Variants in UTP23 observed in about 807,000 individuals in gnomAD.
The protein encoded by UTP23 is rRNA-processing protein UTP23 homolog.
UTP23 carries 10 observed loss-of-function variants against 19.8 expected under a neutral mutation model. The ratio of observed to expected loss-of-function variants is 0.50; its 90% CI spans 0.31 to 0.86. The LOEUF (loss-of-function observed/expected upper bound fraction) is 0.86. Among genes scored for constraint, UTP23 ranks in the 40% least tolerant of loss-of-function variants. UTP23 has a pLI of 0.05. For missense variants in UTP23, 282 were observed against 293.1 expected (o/e 0.96, Z 0.28); for synonymous variants, 108 against 105.4 (o/e 1.02, Z -0.15).
intron 2 of UTP23, 49 bp from the exon 3 acceptor site, chr8:116,771,407 G>T (rs79093661): frequency 0.036 from 49,043 of 1,347,562 alleles, 1,073 homozygotes; most frequent in Non-Finnish European, 0.042. Flanking sequence ...CCTATTTAAG[G>T]TACCTTAATT....
At chr8:116,771,392 G>C in intron 2 of UTP23, 64 bp from the exon 3 acceptor site, 1 of 1,297,394 alleles carries the variant, frequency 7.7e-7, no homozygotes, top group Non-Finnish European at 1.0e-6. Context: ...TACAGTTCTT[G>C]AAAACCTATT....
In UTP23 at chr8:116,770,285, C is replaced by T; in HGVS notation, c.282C>T (p.Phe94=). 1 of 1,614,092 alleles carries T rather than the reference C, an allele frequency of 6.2e-7. No individual in the cohort carries two copies. The highest frequency in any genetic ancestry group is 2.2e-5 in the East Asian group (1 of 44,848). ...QKCQVRNCPH[F]KNAVSGSECL... ...GCCAAGTTCGAAATTGTCCTCATTT[C>T]AAGAATGCAGTGAGTGGATCAGAAT... Residue 94 remains phenylalanine (F), a synonymous_variant, in exon 2 of 3, where the codon TTC becomes TTT. Coordinates refer to ENST00000309822, the MANE Select transcript of UTP23 (RefSeq NM_032334.3).
At position 116,766,575 on chromosome 8, in the gene UTP23, C is replaced by A; in HGVS notation, c.-29C>A. On this transcript the variant is annotated 5_prime_UTR_variant, in exon 1 of 3. Transcript: ENST00000309822. ...GAGGCGTTTACTGATGCTTCCTGGT[C>A]CGGTGGCCTCGGTCCCGGTAAGCCA... 6.3e-7 allele frequency: 1 copy of A among 1,599,562 alleles called. No individual in the cohort carries two copies. The highest frequency in any genetic ancestry group is 1.1e-5 in the South Asian group (1 of 88,988).
Position 116,774,215 on chromosome 8 carries a change from T to G in UTP23, c.*2373T>G. The G allele has an allele frequency of 7.1e-6, 7 of 985,362 alleles. No homozygotes were observed. The highest frequency in any genetic ancestry group is 6.0e-6 in the Non-Finnish European group (5 of 829,926). 61.0% of individuals were successfully genotyped at this position (985,362 alleles called of 1,614,324 possible). ...TCTTTTACGAACACTTAAAAATAAG[T>G]GTTTGCAGTTGTGTATGGGCACGAT... On this transcript the variant is annotated 3_prime_UTR_variant, in exon 3 of 3. Transcript: ENST00000309822.
chr8:116,767,918 G>A (rs1815605498), intron 1 of UTP23, among the ~76,000 whole-genome samples: 1 of 152,108 alleles, frequency 6.6e-6, no homozygotes, highest in South Asian at 2.1e-4. Context: ...ACTCACACAA[G>A]CACAAGAATG....
At chr8:116,769,560 T>C (rs1163402787) in intron 1 of UTP23, among the ~76,000 whole-genome samples, 1 of 152,180 alleles carries the variant, frequency 6.6e-6, no homozygotes, top group Non-Finnish European at 1.5e-5. Context: ...GTACTCAAAA[T>C]AGAGGTCAAG....
Position 116,772,696 on chromosome 8 carries a change from AAAATAAT to A in UTP23, c.*856_*862del. The A allele has an allele frequency of 3.0e-6, 3 of 985,182 alleles. 1 individual carries two copies. The South Asian group carries it at 1.4e-4, about 46-fold the overall frequency. 61.0% of individuals were successfully genotyped at this position (985,182 alleles called of 1,614,324 possible). A position where few individuals can be genotyped will look rare whatever the true frequency, so the allele number is the denominator to read the frequency against. Reference sequence around the variant, plus strand: ...TGTTAACTTCAATAGCAAGAATTCAAAAATAATATTCTCTTTGAGATTGACTGTGAAT... The same window carrying A: ...TGTTAACTTCAATAGCAAGAATTCAAATTCTCTTTGAGATTGACTGTGAAT... On this transcript the variant is annotated 3_prime_UTR_variant, in exon 3 of 3. Coordinates refer to ENST00000309822, the MANE Select transcript of UTP23 (RefSeq NM_032334.3).
At chr8:116,767,656 C>G (rs367789291) in intron 1 of UTP23, among the ~76,000 whole-genome samples, 2 of 152,274 alleles carry the variant, frequency 1.3e-5, no homozygotes, top group African/African-American at 4.8e-5. Flanking sequence ...GTGGAGACCT[C>G]TTCACACGAA....
At position 116,766,577 on chromosome 8, in the gene UTP23, G is replaced by T; in HGVS notation, c.-27G>T. On this transcript the variant is annotated 5_prime_UTR_variant, in exon 1 of 3. Coordinates refer to ENST00000309822, the MANE Select transcript of UTP23 (RefSeq NM_032334.3). ...GGCGTTTACTGATGCTTCCTGGTCC[G>T]GTGGCCTCGGTCCCGGTAAGCCAGG... The T allele has an allele frequency of 6.2e-7, 1 of 1,600,728 alleles. No homozygotes were observed. The highest frequency in any genetic ancestry group is 8.5e-7 in the Non-Finnish European group (1 of 1,172,488).
chr8:116,771,683 G>C lies in UTP23; in HGVS notation c.591G>C (p.Lys197Asn). ...NTEQSRRKKR[K>N]KISGPNPLSC... ...AACAGAGTAGAAGAAAAAAGCGCAA[G>C]AAAATAAGTGGTCCCAATCCTCTTA... is the stretch of plus-strand genomic sequence containing the variant. The change falls in exon 3 of 3, where the codon AAG becomes AAC. Residue 197 changes from lysine (K) to asparagine (N), a missense_variant. Transcript: ENST00000309822. 1.9e-6 allele frequency: 3 copies of C among 1,611,468 alleles called. No homozygotes were observed. The highest frequency in any genetic ancestry group is 2.5e-6 in the Non-Finnish European group (3 of 1,179,428).
At chr8:116,770,545 T>C (rs1815638919) in intron 2 of UTP23, 179 bp downstream of exon 2, 1 of 575,078 alleles carries the variant, frequency 1.7e-6, no homozygotes, top group Non-Finnish European at 2.8e-6. Context: ...ACTTTAAGCA[T>C]GTTGATATTC....
rs895555169 is a variant in UTP23, at chr8:116,774,116, TAA to T, written c.*2277_*2278del. ...GGGTAGCTACTAGCTTTGTTGGGGA[TAA>T]AAGTGTAATACATGCACTTTTGAAC... On this transcript the variant is annotated 3_prime_UTR_variant, in exon 3 of 3. Coordinates refer to ENST00000309822, the MANE Select transcript of UTP23 (RefSeq NM_032334.3). 2 of 985,312 alleles carry T rather than the reference TAA, an allele frequency of 2.0e-6. No homozygotes were observed. The highest frequency in any genetic ancestry group is 3.5e-5 in the African/African-American group (2 of 57,246). 61.0% of individuals were successfully genotyped at this position (985,312 alleles called of 1,614,324 possible). A position where few individuals can be genotyped will look rare whatever the true frequency, so the allele number is the denominator to read the frequency against.
At chr8:116,767,890 A>G (rs993424408) in intron 1 of UTP23, among the ~76,000 whole-genome samples, 13 of 152,216 alleles carry the variant, frequency 8.5e-5, no homozygotes, top group African/African-American at 2.4e-4. Context: ...AGTGTCATCC[A>G]TCCAGTTCTT....
At chr8:116,769,245 C>T (rs776576719) in intron 1 of UTP23, among the ~76,000 whole-genome samples, 8 of 152,044 alleles carry the variant, frequency 5.3e-5, no homozygotes, top group African/African-American at 9.7e-5. Flanking sequence ...ATCTGTTTTG[C>T]GGTTGTTTAA....
rs1224123986 is a variant in UTP23 at position 116,773,264 on chromosome 8, G to C, written c.*1422G>C. ...GAATAGTGTAGGTTTTGTGAGGAAAGTTAACATTTGTCAATGACAAGCATT... is the reference window on the plus strand; with the variant it reads ...GAATAGTGTAGGTTTTGTGAGGAAACTTAACATTTGTCAATGACAAGCATT... On this transcript the variant is annotated 3_prime_UTR_variant, in exon 3 of 3. Coordinates refer to ENST00000309822, the MANE Select transcript of UTP23 (RefSeq NM_032334.3). 3 of 985,388 alleles carry C rather than the reference G, an allele frequency of 3.0e-6. No homozygotes were observed. The African/African-American group carries it at 5.2e-5, about 17-fold the overall frequency. The allele number at this position is 985,388 out of a possible 1,614,324, so 61.0% of individuals were successfully genotyped here. A position where few individuals can be genotyped will look rare whatever the true frequency, so the allele number is the denominator to read the frequency against.
Position 116,774,630 on chromosome 8 carries a change from A to G in UTP23, c.*2788A>G. 2.6e-6 allele frequency: 2 copies of G among 774,106 alleles called. No individual in the cohort carries two copies. Among genetic ancestry groups the G allele is most frequent in the Non-Finnish European group, 3.1e-6 (2 of 638,674 alleles). 48.0% of individuals were successfully genotyped at this position (774,106 alleles called of 1,614,324 possible). On this transcript the variant is annotated 3_prime_UTR_variant, in exon 3 of 3. Coordinates refer to ENST00000309822, the MANE Select transcript of UTP23 (RefSeq NM_032334.3). ...CAATAAGAATATATTCCATACGGGA[A>G]TATATTAGTCATTGATGTATTTTGC... is the stretch of plus-strand genomic sequence containing the variant.
chr8:116,771,502 T>A lies in UTP23; in HGVS notation c.410T>A (p.Leu137His). 1 of 1,543,114 alleles carries A rather than the reference T, an allele frequency of 6.5e-7. No individual in the cohort carries two copies. Among genetic ancestry groups the A allele is most frequent in the Non-Finnish European group, 8.7e-7 (1 of 1,151,318 alleles). The change falls in exon 3 of 3, where the codon CTC (leucine) becomes CAC (histidine). Residue 137 changes from leucine to histidine, a missense_variant. Physicochemically the swap from Leu to His is moderately conservative, Grantham distance 99 (BLOSUM62 -3). Transcript: ENST00000309822. ...GTAAAAAAGAAGCCTGGAGTTCCTC[T>A]CATGTTTATTATTCAGAACACTATG... ...VKVKKKPGVP[L>H]MFIIQNTMVL...
chr8:116,769,573 T>A (rs921715191), intron 1 of UTP23, among the ~76,000 whole-genome samples: 1 of 152,168 alleles, frequency 6.6e-6, no homozygotes, highest in Non-Finnish European at 1.5e-5. Flanking sequence ...AGGTCAAGTC[T>A]AATGACTAAA....
At chr8:116,770,902 G>C (rs16888721) in intron 2 of UTP23, 7,953 of 152,986 alleles carry the variant, frequency 0.052, 692 homozygotes, top group African/African-American at 0.18. Flanking sequence ...CAAAGTCATG[G>C]TTCATACTGC....
Sources: allele counts gnomAD v4.1 joint callset (sites outside exome capture counted in the v4.1 genomes callset), GRCh38; gene constraint gnomAD v4.1.1; transcripts MANE v1.5; gene names NCBI Gene and HGNC (gene_info 2026-07-23, HGNC 2026-07-21).